Variants in RANBP2 observed in about 807,000 individuals in gnomAD.
The protein encoded by RANBP2 is E3 SUMO-protein ligase RanBP2.
In RANBP2, 57 loss-of-function variants were observed where a neutral mutation model predicts 303.6. That is an observed-to-expected ratio of 0.19 (90% CI 0.15 to 0.23). The LOEUF (loss-of-function observed/expected upper bound fraction) is 0.23. Ranked by LOEUF, RANBP2 falls within the 10% of genes least tolerant of loss-of-function variation. RANBP2 has a pLI of 1.00. For missense variants in RANBP2, 3,138 were observed against 3,780.8 expected, an observed-to-expected ratio of 0.83 and a Z score of 4.46; for synonymous variants, 1,167 against 1,301.5, an observed-to-expected ratio of 0.90 and a Z score of 2.23.
At chr2:108,871,532 A>G in the RANBP2 span, among the ~76,000 whole-genome samples, 2 of 152,280 alleles carry the variant, frequency 1.3e-5, 1 homozygote, top group South Asian at 4.1e-4. Flanking sequence ...AGCCTGGGCA[A>G]CAAAGCAAGA....
chr2:109,177,840 G>A, the RANBP2 span, among the ~76,000 whole-genome samples: 2 of 152,248 alleles, frequency 1.3e-5, no homozygotes, highest in Non-Finnish European at 2.9e-5. Flanking sequence ...CCAACTGCCA[G>A]ATGGCTTGTA....
At chr2:109,585,864 ACAG>A in the RANBP2 span, 1 of 1,577,510 alleles carries the variant, frequency 6.3e-7, no homozygotes, top group African/African-American at 1.4e-5. Context: ...AACAAAAACA[ACAG>A]CAATAAAAAA....
chr2:109,129,475 G>A, the RANBP2 span: 1 of 1,494,512 alleles, frequency 6.7e-7, no homozygotes, highest in African/African-American at 1.5e-5. Flanking sequence ...CTGGCTGCCG[G>A]TGGCGGGCTC....
At chr2:109,235,331 AC>A in the RANBP2 span, among the ~76,000 whole-genome samples, 1 of 151,924 alleles carries the variant, frequency 6.6e-6, no homozygotes, top group African/African-American at 2.4e-5. Context: ...CTCTTCATCC[AC>A]CCTAGGGATC....
chr2:109,557,792 C>T, the RANBP2 span, among the ~76,000 whole-genome samples: 6 of 151,730 alleles, frequency 4.0e-5, no homozygotes, highest in East Asian at 1.2e-3. Context: ...AAAATAAAAA[C>T]ATTTTCTTGC....
At chr2:108,992,128 T>C in the RANBP2 span, among the ~76,000 whole-genome samples, 1 of 152,290 alleles carries the variant, frequency 6.6e-6, no homozygotes, top group African/African-American at 2.4e-5. Context: ...ACAAATCTCA[T>C]GTTGTGTGAG....
chr2:108,930,412 A>G, the RANBP2 span, among the ~76,000 whole-genome samples: 4 of 152,080 alleles, frequency 2.6e-5, no homozygotes, highest in East Asian at 5.8e-4. Context: ...CTAAGTCTCC[A>G]GTGGCTCCTG....
At chr2:109,359,866 G>T in the RANBP2 span, among the ~76,000 whole-genome samples, 1 of 151,990 alleles carries the variant, frequency 6.6e-6, no homozygotes, top group Non-Finnish European at 1.5e-5. Context: ...AACCATAAAG[G>T]GTCATAAAAT....
chr2:109,091,947 T>C, the RANBP2 span, among the ~76,000 whole-genome samples: 1 of 152,178 alleles, frequency 6.6e-6, no homozygotes, highest in Non-Finnish European at 1.5e-5. Flanking sequence ...GAGGTCTCAG[T>C]TGGCTCTCCC....
At chr2:108,879,614 A>G in the RANBP2 span, among the ~76,000 whole-genome samples, 1 of 152,206 alleles carries the variant, frequency 6.6e-6, no homozygotes, top group Non-Finnish European at 1.5e-5. Context: ...TATTTTGGCC[A>G]GGCTAAGTTT....
chr2:109,416,198 C>T, the RANBP2 span, among the ~76,000 whole-genome samples: 1 of 152,190 alleles, frequency 6.6e-6, no homozygotes, highest in South Asian at 2.1e-4. Flanking sequence ...AACAAGACTG[C>T]CTCATGCCTT....
At chr2:109,682,771 T>C in the RANBP2 span, among the ~76,000 whole-genome samples, 16 of 152,226 alleles carry the variant, frequency 1.1e-4, no homozygotes, top group African/African-American at 3.6e-4. Context: ...AGCTCCCATC[T>C]CTATTATTTA....
chr2:109,272,104 G>A, the RANBP2 span, among the ~76,000 whole-genome samples: 15 of 152,296 alleles, frequency 9.8e-5, no homozygotes, highest in African/African-American at 3.4e-4. Flanking sequence ...AGGGCAGCCC[G>A]TCTGCCTCTG....
chr2:109,185,056 C>T, the RANBP2 span, among the ~76,000 whole-genome samples: 5 of 152,174 alleles, frequency 3.3e-5, no homozygotes, highest in Non-Finnish European at 7.3e-5. Flanking sequence ...TTGTGTATTT[C>T]GATTCCCTTT....
chr2:109,704,744 G>C, the RANBP2 span, among the ~76,000 whole-genome samples: 2 of 151,724 alleles, frequency 1.3e-5, no homozygotes, highest in Admixed American at 1.3e-4. Context: ...CCAGCTACTC[G>C]GGAGGCTGAG....
At chr2:109,446,474 T>A in the RANBP2 span, among the ~76,000 whole-genome samples, 1 of 152,076 alleles carries the variant, frequency 6.6e-6, no homozygotes, top group Non-Finnish European at 1.5e-5. Context: ...CTAAGAGCCT[T>A]GGGAGCAAAG....
At chr2:108,779,544 T>C (rs936998018) in intron 25 of RANBP2, among the ~76,000 whole-genome samples, 2 of 152,212 alleles carry the variant, frequency 1.3e-5, no homozygotes, top group African/African-American at 4.8e-5. Context: ...TTGTGTTCTT[T>C]AAGGTACTGA....
the RANBP2 span, among the ~76,000 whole-genome samples, chr2:109,632,722 G>A: frequency 6.6e-6 from 1 of 152,040 alleles, no homozygotes; most frequent in Non-Finnish European, 1.5e-5. Flanking sequence ...AGGAGGCTGA[G>A]GCAGGAGAAT....
the RANBP2 span, among the ~76,000 whole-genome samples, chr2:109,602,544 G>A: frequency 5.9e-5 from 9 of 151,950 alleles, no homozygotes; most frequent in Non-Finnish European, 1.0e-4. Flanking sequence ...GTGTGGTGGC[G>A]CATGCCTATA....
Sources: gnomAD v4.1 joint callset for allele counts (sites outside exome capture counted in the v4.1 genomes callset) on GRCh38, gnomAD v4.1.1 for gene constraint, MANE v1.5 for transcripts, NCBI Gene and HGNC (gene_info 2026-07-23, HGNC 2026-07-21) for gene names.